The following ASXL3 variants were observed in gnomAD, a reference collection of about 807,000 sequenced individuals.
ASXL3 encodes the protein ASXL transcriptional regulator 3.
A neutral mutation model predicts 170.6 loss-of-function variants in ASXL3; 34 were observed. The observed-to-expected ratio is 0.20, with a 90% CI of 0.15 to 0.27. The LOEUF (loss-of-function observed/expected upper bound fraction) is 0.27, where lower values mean the gene tolerates loss of function less well. ASXL3 is among the 10% of genes least tolerant of loss of function. The pLI is 1.00. For missense variants in ASXL3, 2,592 were observed against 2,695.3 expected, an observed-to-expected ratio of 0.96 and a Z score of 0.85; for synonymous variants, 1,002 against 989.1, an observed-to-expected ratio of 1.01 and a Z score of -0.24.
intron 2 of ASXL3, among the ~76,000 whole-genome samples, chr18:33,619,564 C>T (rs1017536726): frequency 1.3e-5 from 2 of 151,886 alleles, no homozygotes; most frequent in Admixed American, 6.6e-5. Context: ...GGCTTATGGA[C>T]AGCAGCATGA....
intron 8 of ASXL3, among the ~76,000 whole-genome samples, chr18:33,721,962 TATG>T (rs1474695781): frequency 2.6e-5 from 4 of 152,150 alleles, no homozygotes; most frequent in African/African-American, 4.8e-5. Context: ...ATTATTAAAA[TATG>T]ATAATGTATT....
Position 33,578,295 on chromosome 18 carries a change from CGCGAGCCCCGCACGA to C in ASXL3, c.-328_-314del, listed in dbSNP as rs1455095691. The C allele has an allele frequency of 2.0e-5, 3 of 147,174 alleles. No homozygotes were observed. In the South Asian group the frequency reaches 6.2e-4, roughly 31 times the overall value. The allele number at this position is 147,174 out of a possible 1,614,324, so 9.1% of individuals were successfully genotyped here. A position where few individuals can be genotyped will look rare whatever the true frequency, so the allele number is the denominator to read the frequency against. ...CGCAGCGGCCGCGGCGGTGGCGCAG[CGCGAGCCCCGCACGA>C]GCGAGCCCGGCCGGCGCCGCCCCCG... is the stretch of plus-strand genomic sequence containing the variant. On this transcript the variant is annotated 5_prime_UTR_variant, in exon 1 of 12. Coordinates refer to ENST00000269197, the MANE Select transcript of ASXL3 (RefSeq NM_030632.3).
intron 8 of ASXL3, among the ~76,000 whole-genome samples, chr18:33,725,225 C>T (rs1310134929): frequency 6.6e-6 from 1 of 152,074 alleles, no homozygotes. Flanking sequence ...GTCTCACTGT[C>T]TGGGTTGTCT....
chr18:33,682,402 T>C (rs925489077), intron 7 of ASXL3, among the ~76,000 whole-genome samples: 6 of 152,200 alleles, frequency 3.9e-5, no homozygotes, highest in African/African-American at 1.4e-4. Context: ...ATCAGTTGAC[T>C]GTCCCTTATG....
intron 1 of ASXL3, among the ~76,000 whole-genome samples, chr18:33,600,319 G>A (rs980286984): frequency 2.6e-5 from 4 of 152,076 alleles, no homozygotes; most frequent in Admixed American, 6.6e-5. Context: ...TGATAAAACA[G>A]TGTTTGTAAT....
At chr18:33,703,540 A>G (rs1359936056) in intron 8 of ASXL3, among the ~76,000 whole-genome samples, 1 of 152,122 alleles carries the variant, frequency 6.6e-6, no homozygotes, top group Non-Finnish European at 1.5e-5. Flanking sequence ...CTTGCCAGGT[A>G]TTTAGCCTTT....
chr18:33,607,146 G>A (rs374286328), intron 1 of ASXL3, among the ~76,000 whole-genome samples: 30 of 152,042 alleles, frequency 2.0e-4, no homozygotes, highest in Admixed American at 4.6e-4. Flanking sequence ...CATTTTGGCC[G>A]TGAATCCAGT....
At chr18:33,637,993 A>C (rs942303023) in intron 2 of ASXL3, among the ~76,000 whole-genome samples, 1 of 152,110 alleles carries the variant, frequency 6.6e-6, no homozygotes, top group African/African-American at 2.4e-5. Context: ...TTAGCTTGAC[A>C]TACATAAATA....
chr18:33,709,809 C>T (rs1224245472), intron 8 of ASXL3, among the ~76,000 whole-genome samples: 5 of 152,174 alleles, frequency 3.3e-5, no homozygotes, highest in Non-Finnish European at 7.3e-5. Context: ...TTCTTCCGCC[C>T]TAACTTGTTT....
chr18:33,584,226 G>A (rs1465402874), intron 1 of ASXL3, among the ~76,000 whole-genome samples: 2 of 152,092 alleles, frequency 1.3e-5, no homozygotes, highest in Non-Finnish European at 2.9e-5. Context: ...GGTTCAGGGG[G>A]TGATGAGTGG....
At chr18:33,586,828 C>T (rs972425242) in intron 1 of ASXL3, among the ~76,000 whole-genome samples, 3 of 152,162 alleles carry the variant, frequency 2.0e-5, no homozygotes, top group Admixed American at 6.5e-5. Flanking sequence ...TTCATTTAAA[C>T]ATTTATTGGA....
chr18:33,634,329 C>CTTT (rs879705294), intron 2 of ASXL3, among the ~76,000 whole-genome samples: 1 of 137,992 alleles, frequency 7.2e-6, no homozygotes. Context: ...ATAGTTGCTT[C>CTTT]TTTTTTTTTT....
Position 33,598,072 on chromosome 18 carries a change from A to G in ASXL3, c.55-9522A>G, listed in dbSNP as rs1036449442. Among the ~76,000 whole-genome samples the G allele has an allele frequency of 8.5e-5, 13 of 152,140 alleles. 1 individual carries two copies. The South Asian group carries it at 2.7e-3, about 32-fold the overall frequency. On this transcript the variant is annotated intron_variant, in intron 1 of 11. Coordinates refer to ENST00000269197, the MANE Select transcript of ASXL3 (RefSeq NM_030632.3). ...CCCTGTTGTCTGTTTCCATAAGGAC[A>G]GGTGTTTAGTATTCATATGTAGGCA...
chr18:33,716,140 A>G (rs923785649), intron 8 of ASXL3, among the ~76,000 whole-genome samples: 4 of 152,216 alleles, frequency 2.6e-5, no homozygotes, highest in Non-Finnish European at 4.4e-5. Flanking sequence ...AGATGTGTCA[A>G]TTCAGGGATA....
chr18:33,650,679 C>T (rs750760568), intron 4 of ASXL3, among the ~76,000 whole-genome samples: 4 of 152,050 alleles, frequency 2.6e-5, no homozygotes, highest in Non-Finnish European at 5.9e-5. Context: ...GGCACTTCAC[C>T]AAATAACACA....
intron 1 of ASXL3, among the ~76,000 whole-genome samples, chr18:33,582,796 C>T (rs988310318): frequency 6.6e-6 from 1 of 151,094 alleles, no homozygotes; most frequent in African/African-American, 2.4e-5. Context: ...GACAAATTCA[C>T]CTCATTGTTG....
chr18:33,665,897 C>T (rs1002402325), intron 5 of ASXL3, among the ~76,000 whole-genome samples: 2 of 152,050 alleles, frequency 1.3e-5, no homozygotes, highest in Admixed American at 6.6e-5. Flanking sequence ...CTTTACTTTT[C>T]CTAGACTGCA....
At chr18:33,584,043 TAC>T (rs1471516231) in intron 1 of ASXL3, among the ~76,000 whole-genome samples, 1 of 152,208 alleles carries the variant, frequency 6.6e-6, no homozygotes, top group East Asian at 1.9e-4. Context: ...GGTGCTCATT[TAC>T]AGATTTACAG....
intron 2 of ASXL3, among the ~76,000 whole-genome samples, chr18:33,631,663 G>A (rs573789345): frequency 2.0e-5 from 3 of 152,006 alleles, no homozygotes; most frequent in Admixed American, 6.6e-5. Context: ...TGATATCAGC[G>A]ACTCTCAAAC....
Sources: allele counts gnomAD v4.1 joint callset (sites outside exome capture counted in the v4.1 genomes callset), GRCh38; gene constraint gnomAD v4.1.1; transcripts MANE v1.5; gene names NCBI Gene and HGNC (gene_info 2026-07-23, HGNC 2026-07-21).